APOLD1: variants seen among roughly 807,000 people sequenced by gnomAD.
APOLD1 encodes apolipoprotein L domain-containing protein 1.
APOLD1 carries 22 observed loss-of-function variants against 15.3 expected under a neutral mutation model. The ratio of observed to expected loss-of-function variants is 1.44; its 90% CI spans 1.03 to 2.05. The LOEUF is 2.05. APOLD1 is among the 30% of genes most tolerant of loss of function. APOLD1 has a pLI of 0.00. For synonymous variants in APOLD1, 190 were observed against 167.4 expected, an observed-to-expected ratio of 1.13 and a Z score of -1.04; for missense variants, 394 against 353.5, an observed-to-expected ratio of 1.11 and a Z score of -0.92.
chr12:12,748,100 A>G (rs1433221643), intron 1 of APOLD1, among the ~76,000 whole-genome samples: 1 of 152,198 alleles, frequency 6.6e-6, no homozygotes, highest in Non-Finnish European at 1.5e-5. Context: ...GTCACAGCTG[A>G]TGCAAGGATT....
At chr12:12,770,775 C>T (rs1592304990) in intron 1 of APOLD1, among the ~76,000 whole-genome samples, 1 of 91,508 alleles carries the variant, frequency 1.1e-5, no homozygotes, top group African/African-American at 3.7e-5. Context: ...AATAAGAATA[C>T]ATGTTAAAAA....
chr12:12,732,580 C>T (rs1363258939), intron 1 of APOLD1, among the ~76,000 whole-genome samples: 4 of 151,622 alleles, frequency 2.6e-5, no homozygotes, highest in African/African-American at 7.3e-5. Context: ...CAAAAATTAG[C>T]CAGGTGTGGT....
At chr12:12,737,221 A>AG (rs11405631) in intron 1 of APOLD1, among the ~76,000 whole-genome samples, 63,115 of 105,122 alleles carry the variant, frequency 0.6, 13,156 homozygotes, top group East Asian at 0.65. Context: ...AACAACCCAG[A>AG]GGTTTTTTTT....
At chr12:12,746,354 C>T (rs911413478) in intron 1 of APOLD1, among the ~76,000 whole-genome samples, 30 of 151,914 alleles carry the variant, frequency 2.0e-4, no homozygotes, top group African/African-American at 1.5e-4. Flanking sequence ...ACATTAGCTG[C>T]GTGTGGTGGC....
At chr12:12,780,649 A>C in intron 1 of APOLD1, among the ~76,000 whole-genome samples, 1 of 146,820 alleles carries the variant, frequency 6.8e-6, no homozygotes, top group Non-Finnish European at 1.5e-5. Context: ...AGTGCAGTGG[A>C]GCAATCTTGG....
chr12:12,766,635 G>A (rs547373912), intron 1 of APOLD1, among the ~76,000 whole-genome samples: 44 of 152,262 alleles, frequency 2.9e-4, no homozygotes, highest in South Asian at 1.0e-3. Flanking sequence ...GATCACCTAA[G>A]GTCAGGAGTT....
chr12:12,778,408 C>T (rs1358345712), intron 1 of APOLD1, among the ~76,000 whole-genome samples: 1 of 151,364 alleles, frequency 6.6e-6, no homozygotes, highest in Non-Finnish European at 1.5e-5. Flanking sequence ...CAGCCTCGCC[C>T]TCCTAGGCTC....
rs71436735 is a variant in APOLD1, at chr12:12,777,889, G to GTTT, written c.97-8986_97-8984dup. Among the ~76,000 whole-genome samples the GTTT allele has an allele frequency of 1.2e-3, 139 of 117,082 alleles. 2 individuals carry two copies. Among genetic ancestry groups the GTTT allele is most frequent in the African/African-American group, 4.0e-3 (106 of 26,688 alleles). The allele number at this position is 117,082 out of a possible 152,430, so 76.8% of individuals were successfully genotyped here. On this transcript the variant is annotated intron_variant, in intron 1 of 1. Coordinates refer to the APOLD1 transcript ENST00000326765. Reference sequence around the variant, plus strand: ...AAATATCTTCTCTACAAGGAAAGGTGTTTTTTTTTTTTTTTTTTTTTTTTT... The same window carrying GTTT: ...AAATATCTTCTCTACAAGGAAAGGTGTTTTTTTTTTTTTTTTTTTTTTTTTTTT...
intron 1 of APOLD1, among the ~76,000 whole-genome samples, chr12:12,743,940 A>G (rs1946745347): frequency 6.6e-6 from 1 of 152,176 alleles, no homozygotes; most frequent in Non-Finnish European, 1.5e-5. Flanking sequence ...AGCCTCCAGA[A>G]ACAAATGCAG....
intron 1 of APOLD1, among the ~76,000 whole-genome samples, chr12:12,760,375 C>T (rs948179652): frequency 1.3e-5 from 2 of 151,194 alleles, no homozygotes; most frequent in Admixed American, 6.6e-5. Context: ...CAGTGGCTCA[C>T]GCCTGTAATC....
At chr12:12,750,688 T>C (rs577582843) in intron 1 of APOLD1, among the ~76,000 whole-genome samples, 1 of 152,344 alleles carries the variant, frequency 6.6e-6, no homozygotes, top group East Asian at 1.9e-4. Flanking sequence ...GTTGATCCTC[T>C]GATATGTGGA....
intron 1 of APOLD1, among the ~76,000 whole-genome samples, chr12:12,731,865 C>T (rs143993882): frequency 7.2e-5 from 11 of 152,322 alleles, no homozygotes; most frequent in African/African-American, 2.2e-4. Flanking sequence ...AGTTTGCATG[C>T]GTGGAAGCCA....
intron 1 of APOLD1, among the ~76,000 whole-genome samples, chr12:12,748,504 A>G (rs1946782577): frequency 6.6e-6 from 1 of 152,226 alleles, no homozygotes; most frequent in African/African-American, 2.4e-5. Context: ...ACCGATACAT[A>G]ATGCTTGTGG....
At chr12:12,785,590 G>A, upstream of APOLD1, 1 of 1,611,244 alleles carries the variant, frequency 6.2e-7, no homozygotes, top group East Asian at 2.2e-5. Flanking sequence ...CTCAGAATGA[G>A]ACAAGGCTTT....
intron 1 of APOLD1, among the ~76,000 whole-genome samples, chr12:12,748,096 G>A (rs748722622): frequency 1.3e-5 from 2 of 152,196 alleles, no homozygotes; most frequent in African/African-American, 4.8e-5. Context: ...AGCAGTCACA[G>A]CTGATGCAAG....
At chr12:12,773,888 T>C (rs1466299275) in intron 1 of APOLD1, among the ~76,000 whole-genome samples, 2 of 152,100 alleles carry the variant, frequency 1.3e-5, no homozygotes, top group Non-Finnish European at 2.9e-5. Context: ...GACATCCACA[T>C]GCAGAAAAAA....
In APOLD1 at chr12:12,785,704, G is replaced by T; in HGVS notation, c.3+10G>T. ...CAGACAGAAGTGAATGGTAAGTGGG[G>T]AACCCTGAGGCATATATTCGGGATG... On this transcript the variant is annotated intron_variant, in intron 1 of 1. Coordinates refer to ENST00000356591, the MANE Select transcript of APOLD1 (RefSeq NM_030817.3). 1 of 1,612,194 alleles carries T rather than the reference G, an allele frequency of 6.2e-7. No homozygotes were observed. The highest frequency in any genetic ancestry group is 8.5e-7 in the Non-Finnish European group (1 of 1,178,192).
intron 1 of APOLD1, among the ~76,000 whole-genome samples, chr12:12,738,979 G>A (rs1444374844): frequency 6.6e-6 from 1 of 152,206 alleles, no homozygotes; most frequent in Non-Finnish European, 1.5e-5. Context: ...TCTGGGCTCT[G>A]TTACTAGCTG....
At position 12,791,276 on chromosome 12, in the gene APOLD1, A is replaced by G. The variant is rs1384353761; in HGVS notation, c.*3624A>G. The G allele has an allele frequency of 6.6e-6, 1 of 152,234 alleles. No homozygotes were observed. Among genetic ancestry groups the G allele is most frequent in the African/African-American group, 2.4e-5 (1 of 41,468 alleles). The allele number at this position is 152,234 out of a possible 1,614,324, so 9.4% of individuals were successfully genotyped here. ...TTGTAGAAGTCTCCCTAAATCAGAC[A>G]TGTCAAGCAATCAGCCAACGTGGTG... On this transcript the variant is annotated 3_prime_UTR_variant, in exon 2 of 2. Coordinates refer to ENST00000356591, the MANE Select transcript of APOLD1 (RefSeq NM_030817.3).
Sources: gnomAD v4.1 joint callset for allele counts (sites outside exome capture counted in the v4.1 genomes callset) on GRCh38, gnomAD v4.1.1 for gene constraint, MANE v1.5 for transcripts, NCBI Gene and HGNC (gene_info 2026-07-23, HGNC 2026-07-21) for gene names.